Variants in SYT1 observed in about 807,000 individuals in gnomAD.
SYT1 encodes the protein synaptotagmin-1.
A neutral mutation model predicts 44.8 loss-of-function variants in SYT1; 8 were observed. The ratio of observed to expected loss-of-function variants is 0.18; its 90% CI spans 0.10 to 0.32. SYT1 has a LOEUF of 0.32. SYT1 is among the 10% of genes least tolerant of loss of function. The probability of loss-of-function intolerance (pLI) is 1.00; values close to 1 mark genes in which losing one functional copy is unlikely to be tolerated. For synonymous variants in SYT1, 154 were observed against 188.8 expected (o/e 0.82, Z 1.51); for missense variants, 286 against 509.3 (o/e 0.56, Z 4.22).
intron 8 of SYT1, 50 bp from the exon 9 acceptor site, chr12:79,353,452 A>C: frequency 7.7e-7 from 1 of 1,305,654 alleles, no homozygotes; most frequent in Non-Finnish European, 1.1e-6. Context: ...TTAAAACTCT[A>C]TTTACTTGTA....
chr12:79,268,519 G>GTGAA (rs904237119), intron 4 of SYT1, among the ~76,000 whole-genome samples: 4 of 152,170 alleles, frequency 2.6e-5, no homozygotes, highest in Admixed American at 2.0e-4. Flanking sequence ...GAATGAATGA[G>GTGAA]TGAATGAATG....
rs568681619 is a variant in SYT1, at chr12:79,004,841, G to C, written c.-84+26910G>C. ...TTGCCCAGGTCACATGGTTATAAGT[G>C]ATAGATCAATATAGCTAACTCTAAG... On this transcript the variant is annotated intron_variant, in intron 2 of 10. Coordinates refer to ENST00000261205, the MANE Select transcript of SYT1 (RefSeq NM_005639.3). Among the ~76,000 whole-genome samples the C allele has an allele frequency of 3.0e-4, 45 of 152,082 alleles. 1 individual carries two copies. In the South Asian group the frequency reaches 8.7e-3, roughly 29 times the overall value.
chr12:79,040,332 G>A (rs964609427), intron 2 of SYT1, among the ~76,000 whole-genome samples: 3 of 152,148 alleles, frequency 2.0e-5, no homozygotes, highest in Middle Eastern at 3.4e-3. Flanking sequence ...GTGTGAGATG[G>A]TATCTCATTG....
chr12:79,067,875 C>T (rs542517563), intron 3 of SYT1, among the ~76,000 whole-genome samples: 1 of 152,268 alleles, frequency 6.6e-6, no homozygotes, highest in East Asian at 1.9e-4. Context: ...TGTTCAAGAC[C>T]AACAGATCAA....
At chr12:79,013,222 G>A (rs1053925261) in intron 2 of SYT1, among the ~76,000 whole-genome samples, 1 of 151,424 alleles carries the variant, frequency 6.6e-6, no homozygotes, top group Non-Finnish European at 1.5e-5. Flanking sequence ...CTGAATGCAG[G>A]GATTGTGTGT....
rs370919858 is a variant in SYT1 at position 79,143,881 on chromosome 12, GAAA to G, written c.-17-73621_-17-73619del. On this transcript the variant is annotated intron_variant, in intron 3 of 10. Coordinates refer to ENST00000261205, the MANE Select transcript of SYT1 (RefSeq NM_005639.3). The stretch of plus-strand genomic sequence containing the variant: ...GTTACAGATCTTTCTAAAGCCGAAA[GAAA>G]GAAGTATGAATTCAGGTTGTAAATT... Among the ~76,000 whole-genome samples, 95 of 152,292 alleles carry G rather than the reference GAAA, an allele frequency of 6.2e-4. 4 individuals are homozygous for G. In the East Asian group the frequency reaches 9.5e-3, roughly 15 times the overall value.
intron 3 of SYT1, among the ~76,000 whole-genome samples, chr12:79,117,339 G>T (rs899622644): frequency 6.6e-6 from 1 of 151,898 alleles, no homozygotes; most frequent in Admixed American, 6.6e-5. Flanking sequence ...GACCCACAAT[G>T]CTCCGTGTTA....
intron 8 of SYT1, among the ~76,000 whole-genome samples, chr12:79,335,190 C>T (rs1208932322): frequency 6.6e-6 from 1 of 152,126 alleles, no homozygotes; most frequent in Non-Finnish European, 1.5e-5. Context: ...TTTATTTAGT[C>T]CCCCAAGACC....
At chr12:79,310,942 A>C (rs1318823377) in intron 8 of SYT1, among the ~76,000 whole-genome samples, 2 of 152,226 alleles carry the variant, frequency 1.3e-5, no homozygotes, top group African/African-American at 4.8e-5. Flanking sequence ...TTCTAGATAT[A>C]CAATCATGTC....
At chr12:78,966,962 G>T (rs1193347727) in intron 1 of SYT1, among the ~76,000 whole-genome samples, 1 of 151,910 alleles carries the variant, frequency 6.6e-6, no homozygotes, top group Non-Finnish European at 1.5e-5. Context: ...AAATACCAGA[G>T]GTATATAAAA....
intron 9 of SYT1, among the ~76,000 whole-genome samples, chr12:79,377,122 G>C (rs931647768): frequency 6.6e-6 from 1 of 151,568 alleles, no homozygotes; most frequent in African/African-American, 2.4e-5. Context: ...GTTTTGTTTT[G>C]TTTTTTTGAG....
intron 3 of SYT1, among the ~76,000 whole-genome samples, chr12:79,165,224 T>C (rs1437033420): frequency 6.6e-6 from 1 of 152,006 alleles, no homozygotes; most frequent in Non-Finnish European, 1.5e-5. Context: ...TAACTCTGTT[T>C]TTCTATGTCA....
Position 79,119,474 on chromosome 12 carries a change from A to G in SYT1, c.-18+72112A>G, listed in dbSNP as rs868045807. Among the ~76,000 whole-genome samples the G allele has an allele frequency of 4.0e-5, 6 of 149,646 alleles. 1 individual carries two copies. Among genetic ancestry groups the G allele is most frequent in the African/African-American group, 1.2e-4 (5 of 40,604 alleles). Reference sequence around the variant, plus strand: ...CAACTCCTTACATATTTTCTCACATAAGGTGTTTTTTTTTTAGTCATAACT... The same window carrying G: ...CAACTCCTTACATATTTTCTCACATGAGGTGTTTTTTTTTTAGTCATAACT... On this transcript the variant is annotated intron_variant, in intron 3 of 10. Coordinates refer to ENST00000261205, the MANE Select transcript of SYT1 (RefSeq NM_005639.3).
intron 3 of SYT1, among the ~76,000 whole-genome samples, chr12:79,153,943 T>C (rs909804877): frequency 1.2e-4 from 18 of 152,060 alleles, no homozygotes; most frequent in Non-Finnish European, 2.2e-4. Flanking sequence ...GTCAGAGAAA[T>C]TGACATTCAG....
chr12:79,165,135 A>G (rs769458382), intron 3 of SYT1, among the ~76,000 whole-genome samples: 2 of 151,986 alleles, frequency 1.3e-5, no homozygotes, highest in Non-Finnish European at 2.9e-5. Context: ...TTTTTCTTAG[A>G]CAAGTATCAG....
intron 4 of SYT1, among the ~76,000 whole-genome samples, chr12:79,228,355 A>C (rs1008619303): frequency 3.9e-5 from 6 of 152,144 alleles, no homozygotes; most frequent in African/African-American, 1.4e-4. Context: ...TCCTTTGCAT[A>C]CTATTAAAAT....
intron 8 of SYT1, among the ~76,000 whole-genome samples, chr12:79,344,666 A>G (rs962504541): frequency 1.3e-5 from 2 of 152,074 alleles, no homozygotes; most frequent in African/African-American, 4.8e-5. Flanking sequence ...CAAGTTGCCC[A>G]GGCTGGTCTC....
At chr12:79,425,014 A>G (rs966307968) in intron 9 of SYT1, among the ~76,000 whole-genome samples, 2 of 147,606 alleles carry the variant, frequency 1.4e-5, no homozygotes, top group African/African-American at 5.0e-5. Context: ...AGTGATAAAA[A>G]TTAAACCTTT....
chr12:79,272,134 A>G (rs894180717), intron 4 of SYT1, among the ~76,000 whole-genome samples: 3 of 152,224 alleles, frequency 2.0e-5, no homozygotes, highest in African/African-American at 7.2e-5. Flanking sequence ...AGCATTTGAA[A>G]AAAGAAAGAA....
Sources: gnomAD v4.1 joint callset for allele counts (sites outside exome capture counted in the v4.1 genomes callset) on GRCh38, gnomAD v4.1.1 for gene constraint, MANE v1.5 for transcripts, NCBI Gene and HGNC (gene_info 2026-07-23, HGNC 2026-07-21) for gene names.